The following NAALADL2 variants were observed in gnomAD, a reference collection of about 807,000 sequenced individuals.
The protein encoded by NAALADL2 is N-acetylated alpha-linked acidic dipeptidase like 2, also known as inactive N-acetylated-alpha-linked acidic dipeptidase-like protein 2.
In NAALADL2, 76 loss-of-function variants were observed where a neutral mutation model predicts 87.2. That is an observed-to-expected ratio of 0.87 (90% CI 0.72 to 1.05). The LOEUF is 1.05. Ranked by LOEUF, NAALADL2 falls within the 50% of genes least tolerant of loss-of-function variation. The probability of loss-of-function intolerance (pLI) is 0.00; values close to 1 mark genes in which losing one functional copy is unlikely to be tolerated. For missense variants in NAALADL2, 1,089 were observed against 945.8 expected (o/e 1.15, Z -1.99); for synonymous variants, 354 against 331.0 (o/e 1.07, Z -0.75).
At chr3:174,684,834 T>C (rs576579566) in intron 2 of NAALADL2, among the ~76,000 whole-genome samples, 2 of 152,212 alleles carry the variant, frequency 1.3e-5, no homozygotes, top group Non-Finnish European at 2.9e-5. Context: ...CAACGAGCTA[T>C]ATTATATTTA....
At position 175,233,994 on chromosome 3, in the gene NAALADL2, G is replaced by A; in HGVS notation, c.609G>A (p.Gln203=). Residue 203 remains glutamine, a synonymous_variant, in exon 3 of 14, where the codon CAG becomes CAA. Coordinates refer to ENST00000454872, the MANE Select transcript of NAALADL2 (RefSeq NM_207015.3). ...DMEISKKIKT[Q]WTSLGLEDVQ... ...AAATTTCAAAGAAGATTAAGACTCA[G>A]TGGACCTCTTTGGGCCTAGAAGATG... The A allele has an allele frequency of 6.2e-7, 1 of 1,610,416 alleles. No homozygotes were observed. Among genetic ancestry groups the A allele is most frequent in the Non-Finnish European group, 8.5e-7 (1 of 1,176,686 alleles).
intron 1 of NAALADL2, among the ~76,000 whole-genome samples, chr3:175,055,511 T>C (rs1029041855): frequency 4.6e-5 from 7 of 152,160 alleles, no homozygotes; most frequent in African/African-American, 1.7e-4. Context: ...CTACTGGCTG[T>C]GGCAGGGGGC....
intron 2 of NAALADL2, among the ~76,000 whole-genome samples, chr3:175,155,749 C>T (rs1174245714): frequency 6.6e-6 from 1 of 152,112 alleles, no homozygotes; most frequent in Admixed American, 6.6e-5. Context: ...GCATTGGAAT[C>T]ATCTCAGAGG....
chr3:174,779,192 C>CT (rs748851670), intron 3 of NAALADL2, among the ~76,000 whole-genome samples: 44 of 152,274 alleles, frequency 2.9e-4, no homozygotes, highest in Non-Finnish European at 6.0e-4. Flanking sequence ...GAGATGGTAT[C>CT]TCATTGTGGT....
chr3:175,741,475 G>A (rs560201735), intron 12 of NAALADL2, among the ~76,000 whole-genome samples: 3 of 152,260 alleles, frequency 2.0e-5, no homozygotes, highest in South Asian at 2.1e-4. Flanking sequence ...CAGGAACACA[G>A]TAGTCCATCC....
At chr3:174,891,189 C>T (rs1249456745) in intron 1 of NAALADL2, among the ~76,000 whole-genome samples, 1 of 151,994 alleles carries the variant, frequency 6.6e-6, no homozygotes, top group Non-Finnish European at 1.5e-5. Flanking sequence ...ATGTTAGTAA[C>T]CATTCTTAAT....
At chr3:174,688,201 T>G (rs1728224496) in intron 2 of NAALADL2, among the ~76,000 whole-genome samples, 3 of 152,158 alleles carry the variant, frequency 2.0e-5, no homozygotes, top group Admixed American at 6.5e-5. Context: ...ATCTGTTGTC[T>G]TGGATAAACC....
intron 5 of NAALADL2, among the ~76,000 whole-genome samples, chr3:175,325,849 A>G (rs1760641629): frequency 6.6e-6 from 1 of 152,204 alleles, no homozygotes; most frequent in Non-Finnish European, 1.5e-5. Flanking sequence ...AAATGGCTTT[A>G]TTCTGCCATC....
chr3:174,528,755 A>G (rs1720983893), intron 1 of NAALADL2, among the ~76,000 whole-genome samples: 1 of 152,208 alleles, frequency 6.6e-6, no homozygotes, highest in African/African-American at 2.4e-5. Context: ...GTGGCAGATA[A>G]GAGAAGAGAG....
chr3:175,265,726 G>C (rs188151104), intron 4 of NAALADL2, among the ~76,000 whole-genome samples: 2 of 151,364 alleles, frequency 1.3e-5, no homozygotes, highest in Non-Finnish European at 3.0e-5. Flanking sequence ...ACTGCCCAAC[G>C]TATATGGTTT....
At chr3:175,510,800 C>G (rs931972161) in intron 9 of NAALADL2, among the ~76,000 whole-genome samples, 1 of 152,204 alleles carries the variant, frequency 6.6e-6, no homozygotes, top group South Asian at 2.1e-4. Context: ...CCAGGTCTCC[C>G]ACTTAGTAAC....
chr3:175,026,261 G>T lies in NAALADL2; in HGVS notation c.44-70529G>T, dbSNP rs547632797. Among the ~76,000 whole-genome samples the T allele has an allele frequency of 2.8e-4, 42 of 152,144 alleles. 1 individual carries two copies. The South Asian group carries it at 4.3e-3, about 16-fold the overall frequency. ...TACACATGTCTAGGCATATTTTCGT[G>T]TAATCTCATGCACTTTGGAGACTAG... On this transcript the variant is annotated intron_variant, in intron 1 of 13. Coordinates refer to ENST00000454872, the MANE Select transcript of NAALADL2 (RefSeq NM_207015.3).
intron 4 of NAALADL2, among the ~76,000 whole-genome samples, chr3:175,306,886 G>A (rs980803185): frequency 1.3e-5 from 2 of 152,000 alleles, no homozygotes; most frequent in Admixed American, 6.6e-5. Context: ...CTTAATCCAA[G>A]TTTGTATCCA....
chr3:174,816,430 G>C (rs181492254), intron 3 of NAALADL2, among the ~76,000 whole-genome samples: 1 of 146,060 alleles, frequency 6.8e-6, no homozygotes, highest in African/African-American at 2.5e-5. Context: ...GTGTGTGTGT[G>C]TATCTCAGTA....
intron 13 of NAALADL2, among the ~76,000 whole-genome samples, chr3:175,790,862 C>A (rs908376393): frequency 1.3e-5 from 2 of 152,142 alleles, no homozygotes; most frequent in African/African-American, 2.4e-5. Context: ...CTAATTAAAT[C>A]ATGTAATTTT....
chr3:175,340,976 A>G (rs1277874436), intron 5 of NAALADL2, among the ~76,000 whole-genome samples: 1 of 151,966 alleles, frequency 6.6e-6, no homozygotes, highest in East Asian at 1.9e-4. Context: ...ATCCATTTCC[A>G]AGAAAGTGTG....
chr3:175,694,690 A>G (rs1195549489), intron 11 of NAALADL2, among the ~76,000 whole-genome samples: 1 of 152,168 alleles, frequency 6.6e-6, no homozygotes, highest in Non-Finnish European at 1.5e-5. Flanking sequence ...AGGCACCTCT[A>G]TGAGATGTCC....
At chr3:174,488,635 T>A (rs1174376726) in intron 1 of NAALADL2, among the ~76,000 whole-genome samples, 1 of 152,090 alleles carries the variant, frequency 6.6e-6, no homozygotes, top group Non-Finnish European at 1.5e-5. Flanking sequence ...AAGTTCTTAG[T>A]TGACTGTTTT....
intron 5 of NAALADL2, among the ~76,000 whole-genome samples, chr3:175,445,508 G>A (rs1560563670): frequency 6.6e-6 from 1 of 151,998 alleles, no homozygotes; most frequent in Non-Finnish European, 1.5e-5. Context: ...TCGGTTATGT[G>A]TTGGAGTTTG....
Sources: gnomAD v4.1 joint callset for allele counts (sites outside exome capture counted in the v4.1 genomes callset) on GRCh38, gnomAD v4.1.1 for gene constraint, MANE v1.5 for transcripts, NCBI Gene and HGNC (gene_info 2026-07-23, HGNC 2026-07-21) for gene names.